SLC71A2: variants seen among roughly 807,000 people sequenced by gnomAD.
SLC71A2 encodes the protein hippocampus abundant transcript-like 1.
the SLC71A2 span, among the ~76,000 whole-genome samples, chr9:94,456,605 A>G: frequency 7.4e-6 from 1 of 135,908 alleles, no homozygotes; most frequent in African/African-American, 2.6e-5. Flanking sequence ...CAGTTTTGAT[A>G]CATCTTTTCT....
At chr9:94,459,080 T>C in the SLC71A2 span, 2 of 1,448,644 alleles carry the variant, frequency 1.4e-6, no homozygotes, top group South Asian at 2.6e-5. Flanking sequence ...GTGGTGTGTT[T>C]TTTTTGGGTA....
At chr9:94,459,459 G>A in the SLC71A2 span, 1 of 1,604,248 alleles carries the variant, frequency 6.2e-7, no homozygotes, top group South Asian at 1.1e-5. Context: ...TGAGAGCCAT[G>A]GAGGGAGCCA....
At chr9:94,410,750 C>A in the SLC71A2 span, among the ~76,000 whole-genome samples, 3 of 152,088 alleles carry the variant, frequency 2.0e-5, no homozygotes, top group Admixed American at 6.6e-5. Context: ...TTAAAAAAAT[C>A]AAATTAGCAA....
chr9:94,418,719 C>T, the SLC71A2 span, among the ~76,000 whole-genome samples: 2 of 151,332 alleles, frequency 1.3e-5, no homozygotes, highest in African/African-American at 4.9e-5. Flanking sequence ...AGATTATAGG[C>T]ATAAGCCACC....
At chr9:94,389,213 T>C in the SLC71A2 span, among the ~76,000 whole-genome samples, 3 of 151,698 alleles carry the variant, frequency 2.0e-5, no homozygotes, top group Admixed American at 2.0e-4. Context: ...ATGTGTGCTC[T>C]TCATAAGTAG....
the SLC71A2 span, chr9:94,446,981 A>G: frequency 6.4e-6 from 6 of 933,252 alleles, no homozygotes; most frequent in Non-Finnish European, 1.0e-5. Flanking sequence ...AGGAAAATCA[A>G]AGATGGAGAT....
the SLC71A2 span, among the ~76,000 whole-genome samples, chr9:94,407,409 T>C: frequency 2.0e-5 from 3 of 151,022 alleles, no homozygotes; most frequent in South Asian, 6.3e-4. Context: ...GATGGAGTCT[T>C]GCTCTGTCAC....
chr9:94,423,464 C>T, the SLC71A2 span, among the ~76,000 whole-genome samples: 1 of 152,266 alleles, frequency 6.6e-6, no homozygotes, highest in East Asian at 1.9e-4. Flanking sequence ...TCTGAGGTCT[C>T]TTCAGCCCTT....
chr9:94,387,694 T>A, the SLC71A2 span, among the ~76,000 whole-genome samples: 1 of 152,230 alleles, frequency 6.6e-6, no homozygotes, highest in Admixed American at 6.5e-5. Flanking sequence ...ATGTTGCCTA[T>A]ATAGGCAATT....
At chr9:94,391,018 T>C in the SLC71A2 span, among the ~76,000 whole-genome samples, 7 of 151,752 alleles carry the variant, frequency 4.6e-5, no homozygotes, top group Non-Finnish European at 7.4e-5. Context: ...ACACAAGAGT[T>C]AAGTGATTGA....
At chr9:94,376,826 C>A in the SLC71A2 span, among the ~76,000 whole-genome samples, 1 of 24,148 alleles carries the variant, frequency 4.1e-5, no homozygotes, top group Non-Finnish European at 7.9e-5. Context: ...GGAACTAGAC[C>A]CCAACCTAGA....
chr9:94,405,485 C>T, the SLC71A2 span, among the ~76,000 whole-genome samples: 69,504 of 142,082 alleles, frequency 0.49, 16,978 homozygotes, highest in East Asian at 0.6. Context: ...GGCGACAGAG[C>T]GAGACTCCGT....
chr9:94,429,215 C>T, the SLC71A2 span: 1 of 1,605,312 alleles, frequency 6.2e-7, no homozygotes, highest in Non-Finnish European at 8.5e-7. Context: ...TTTCTCAACA[C>T]ACATTCCTCA....
chr9:94,458,086 T>G, the SLC71A2 span, among the ~76,000 whole-genome samples: 1 of 152,228 alleles, frequency 6.6e-6, no homozygotes, highest in Non-Finnish European at 1.5e-5. Flanking sequence ...GGGAAGATAT[T>G]AAAGTTTTGG....
At chr9:94,384,624 G>A in the SLC71A2 span, among the ~76,000 whole-genome samples, 2 of 152,178 alleles carry the variant, frequency 1.3e-5, no homozygotes, top group African/African-American at 4.8e-5. Context: ...ACAGGCATGA[G>A]CCTCCATTCC....
At chr9:94,398,343 G>A in the SLC71A2 span, among the ~76,000 whole-genome samples, 6 of 150,996 alleles carry the variant, frequency 4.0e-5, 1 homozygote, top group African/African-American at 1.5e-4. Flanking sequence ...TTCTGCAATG[G>A]GTTACAGGGA....
At chr9:94,414,764 A>G in the SLC71A2 span, among the ~76,000 whole-genome samples, 160 of 152,172 alleles carry the variant, frequency 1.1e-3, 1 homozygote, top group African/African-American at 3.1e-3. Context: ...GGTTCAAGCA[A>G]TTCTCCTGCC....
chr9:94,450,997 G>A, the SLC71A2 span, among the ~76,000 whole-genome samples: 1 of 152,142 alleles, frequency 6.6e-6, no homozygotes, highest in South Asian at 2.1e-4. Context: ...TGGTCTTCCA[G>A]CATCTCACTG....
the SLC71A2 span, among the ~76,000 whole-genome samples, chr9:94,432,017 C>T: frequency 6.6e-6 from 1 of 151,844 alleles, no homozygotes; most frequent in East Asian, 1.9e-4. Flanking sequence ...GATTCTACAT[C>T]TGCTATTTAA....
Sources: gnomAD v4.1 joint callset for allele counts (sites outside exome capture counted in the v4.1 genomes callset) on GRCh38, gnomAD v4.1.1 for gene constraint, MANE v1.5 for transcripts, NCBI Gene and HGNC (gene_info 2026-07-23, HGNC 2026-07-21) for gene names.